ARPP21: variants seen among roughly 807,000 people sequenced by gnomAD.
The protein encoded by ARPP21 is cAMP-regulated phosphoprotein 21.
Under a neutral mutation model 113.2 loss-of-function variants are expected in ARPP21, and 69 were observed. The ratio of observed to expected loss-of-function variants is 0.61; its 90% CI spans 0.50 to 0.74. The LOEUF (loss-of-function observed/expected upper bound fraction) is 0.74, where lower values mean the gene tolerates loss of function less well. Ranked by LOEUF, ARPP21 falls within the 30% of genes least tolerant of loss-of-function variation. The probability of loss-of-function intolerance (pLI) is 0.00; values close to 1 mark genes in which losing one functional copy is unlikely to be tolerated. For synonymous variants in ARPP21, 368 were observed against 375.5 expected (o/e 0.98, Z 0.23); for missense variants, 1,070 against 1,037.4 (o/e 1.03, Z -0.43).
chr3:35,734,554 T>G (rs2094213885), intron 15 of ARPP21, among the ~76,000 whole-genome samples: 1 of 152,224 alleles, frequency 6.6e-6, no homozygotes, highest in Admixed American at 6.5e-5. Flanking sequence ...ACATTATTGT[T>G]GGTTATGAAA....
intron 19 of ARPP21, among the ~76,000 whole-genome samples, chr3:35,777,815 A>G (rs1460520671): frequency 1.3e-5 from 2 of 152,182 alleles, no homozygotes; most frequent in Non-Finnish European, 2.9e-5. Context: ...GAGATGAATC[A>G]TAATTTAACT....
chr3:35,687,874 T>C lies in ARPP21; in HGVS notation c.397T>C (p.Leu133=). 6.3e-7 allele frequency: 1 copy of C among 1,584,960 alleles called. No individual in the cohort carries two copies. Among genetic ancestry groups the C allele is most frequent in the Non-Finnish European group, 8.5e-7 (1 of 1,170,620 alleles). ...CTCTGAAAAACCCAAGATCAGAATG[T>C]TATCAAAAGGTGAATGTGAAAATAT... ...KTSEKPKIRM[L]SKDCSQEYTD... The change falls in exon 6 of 21, where the codon TTA becomes CTA. Residue 133 remains leucine (L), a synonymous_variant. Transcript: ENST00000684406.
Position 35,707,054 on chromosome 3 carries a change from A to T in ARPP21, c.767A>T (p.Asn256Ile). Residue 256 changes from asparagine (N) to isoleucine (I), a missense_variant, in exon 10 of 21, where the codon AAC becomes ATC. Physicochemically the swap from Asn to Ile is moderately radical, Grantham distance 149. Transcript: ENST00000684406. ...SQKRFILKRD[N>I]SSIDKEDNQQ... ...AAGCGGTTTATCTTGAAGCGAGATA[A>T]CTCTAGTATTGATAAAGAAGACAAT... 1 of 1,613,500 alleles carries T rather than the reference A, an allele frequency of 6.2e-7. No individual in the cohort carries two copies.
intron 1 of ARPP21, among the ~76,000 whole-genome samples, chr3:35,667,955 A>G (rs2075062177): frequency 2.1e-4 from 4 of 19,304 alleles, no homozygotes; most frequent in African/African-American, 6.5e-4. Flanking sequence ...AGAAAAGAAG[A>G]AGAAGAAGAA....
chr3:35,655,453 G>A (rs987508429), intron 1 of ARPP21, among the ~76,000 whole-genome samples: 1 of 151,890 alleles, frequency 6.6e-6, no homozygotes, highest in Non-Finnish European at 1.5e-5. Flanking sequence ...AAACTTGCCT[G>A]TACCCCTCTT....
At chr3:35,712,468 A>G (rs1394582491) in intron 11 of ARPP21, among the ~76,000 whole-genome samples, 3 of 151,904 alleles carry the variant, frequency 2.0e-5, no homozygotes, top group Non-Finnish European at 4.4e-5. Context: ...TTAAAATCAG[A>G]AACATTCTTG....
chr3:35,748,390 GAAAA>G (rs946188800), intron 19 of ARPP21, among the ~76,000 whole-genome samples: 12 of 124,482 alleles, frequency 9.6e-5, no homozygotes, highest in Non-Finnish European at 2.0e-4. Context: ...GAAAGAAAAA[GAAAA>G]GAAAGGGAGA....
At chr3:35,669,028 AT>A (rs559956400) in intron 1 of ARPP21, among the ~76,000 whole-genome samples, 20 of 152,170 alleles carry the variant, frequency 1.3e-4, no homozygotes, top group Admixed American at 1.2e-3. Context: ...TTTTACATTT[AT>A]TTTTGCTGCA....
Position 35,707,033 on chromosome 3 carries a change from G to A in ARPP21, c.746G>A (p.Arg249Gln), listed in dbSNP as rs769792653. The A allele has an allele frequency of 2.2e-5, 36 of 1,613,868 alleles. No homozygotes were observed. Among genetic ancestry groups the A allele is most frequent in the South Asian group, 1.9e-4 (17 of 91,050 alleles). ...GAAAAAGGTGAAGAATCCCAGAAGC[G>A]GTTTATCTTGAAGCGAGATAACTCT... ...KDEKGEESQK[R>Q]FILKRDNSSI... is the part of the protein sequence containing the mutation. Residue 249 changes from arginine (R) to glutamine (Q), a missense_variant, in exon 10 of 21, where the codon CGG (arginine) becomes CAG (glutamine). Physicochemically the swap from Arg to Gln is conservative, Grantham distance 43 (BLOSUM62 1). Coordinates refer to ENST00000684406, the MANE Select transcript of ARPP21 (RefSeq NM_001385562.1).
chr3:35,744,030 C>A lies in ARPP21; in HGVS notation c.2137+65C>A. The stretch of plus-strand genomic sequence containing the variant: ...TATTTTTGCTGGTGAATCTTGTACT[C>A]TTTGGATGAGTGTCCAAGCTTGGCA... On this transcript the variant is annotated intron_variant, in intron 19 of 20. Coordinates refer to ENST00000684406, the MANE Select transcript of ARPP21 (RefSeq NM_001385562.1). 1.9e-6 allele frequency: 3 copies of A among 1,563,344 alleles called. No individual in the cohort carries two copies. The South Asian group carries it at 3.4e-5, about 18-fold the overall frequency.
chr3:35,719,648 C>A (rs1357275847), intron 13 of ARPP21, among the ~76,000 whole-genome samples: 3 of 152,126 alleles, frequency 2.0e-5, no homozygotes, highest in African/African-American at 7.2e-5. Flanking sequence ...GAGTTCATGG[C>A]TAAAGAGATT....
At chr3:35,715,623 G>A (rs2092280240) in intron 12 of ARPP21, 147 bp downstream of exon 12, 1 of 536,182 alleles carries the variant, frequency 1.9e-6, no homozygotes, top group Non-Finnish European at 3.2e-6. Context: ...ACACATATAT[G>A]TTATTTAACA....
intron 19 of ARPP21, among the ~76,000 whole-genome samples, chr3:35,748,071 A>AAGGAAGGAAGGAAGG (rs1559837078): frequency 4.1e-4 from 39 of 94,288 alleles, no homozygotes; most frequent in South Asian, 2.5e-3. Context: ...AGGAAGGAAG[A>AAGGAAGGAAGGAAGG]AAGAAAGAAA....
chr3:35,682,787 A>G, intron 3 of ARPP21, 61 bp from the exon 4 acceptor site: 1 of 1,470,648 alleles, frequency 6.8e-7, no homozygotes, highest in Non-Finnish European at 9.3e-7. Context: ...TCGGTTGTTG[A>G]TTTACTGTTC....
At chr3:35,682,271 A>G (rs1242771983) in intron 3 of ARPP21, among the ~76,000 whole-genome samples, 1 of 151,840 alleles carries the variant, frequency 6.6e-6, no homozygotes, top group Non-Finnish European at 1.5e-5. Flanking sequence ...AATCAAAGGC[A>G]GGTGTTCCTT....
At chr3:35,771,227 C>A (rs969476003) in intron 19 of ARPP21, among the ~76,000 whole-genome samples, 8 of 152,174 alleles carry the variant, frequency 5.3e-5, no homozygotes, top group African/African-American at 1.7e-4. Context: ...CGTTTCCTGA[C>A]CTCTGGGCAC....
intron 19 of ARPP21, among the ~76,000 whole-genome samples, chr3:35,753,838 G>C (rs988602756): frequency 6.6e-6 from 1 of 151,886 alleles, no homozygotes; most frequent in African/African-American, 2.4e-5. Context: ...ACACATTTGG[G>C]ATGGGGCAAA....
chr3:35,717,101 A>G (rs2092514216), intron 12 of ARPP21, among the ~76,000 whole-genome samples, 197 bp from the exon 13 acceptor site: 1 of 151,748 alleles, frequency 6.6e-6, no homozygotes, highest in African/African-American at 2.4e-5. Context: ...CTTACCTAGC[A>G]TCGGTGTCTT....
intron 19 of ARPP21, among the ~76,000 whole-genome samples, chr3:35,791,509 T>C (rs2096747286): frequency 6.6e-6 from 1 of 152,144 alleles, no homozygotes; most frequent in Admixed American, 6.6e-5. Context: ...CTTCCCAACA[T>C]TTATAAGAAC....
Sources: gnomAD v4.1 joint callset for allele counts (sites outside exome capture counted in the v4.1 genomes callset) on GRCh38, gnomAD v4.1.1 for gene constraint, MANE v1.5 for transcripts, NCBI Gene and HGNC (gene_info 2026-07-23, HGNC 2026-07-21) for gene names.